Variants in LACTBL1 observed in about 807,000 individuals in gnomAD.
LACTBL1 encodes the protein beta-lactamase-like protein 1.
LACTBL1 carries 29 observed loss-of-function variants against 39.6 expected under a neutral mutation model. The observed-to-expected ratio is 0.73, with a 90% CI of 0.55 to 1.00. LACTBL1 has a LOEUF of 1.00. Among genes scored for constraint, LACTBL1 ranks in the 50% least tolerant of loss-of-function variants. The probability of loss-of-function intolerance (pLI) is 0.00; values close to 1 mark genes in which losing one functional copy is unlikely to be tolerated. For synonymous variants in LACTBL1, 361 were observed against 360.7 expected, an observed-to-expected ratio of 1.00 and a Z score of -0.01; for missense variants, 711 against 748.5, an observed-to-expected ratio of 0.95 and a Z score of 0.59.
At chr1:22,955,109 A>G (rs1341823192) in intron 5 of LACTBL1, among the ~76,000 whole-genome samples, 1 of 152,202 alleles carries the variant, frequency 6.6e-6, no homozygotes, top group African/African-American at 2.4e-5. Context: ...GTAAATGGAA[A>G]AAACATTCCA....
the LACTBL1 span, chr1:22,972,835 T>C: frequency 1.0e-6 from 1 of 983,596 alleles, no homozygotes; most frequent in East Asian, 1.1e-4. Context: ...ACAGTGCCTC[T>C]GGGAGTCCCC....
upstream of LACTBL1, among the ~76,000 whole-genome samples, chr1:22,967,560 A>G (rs1297890032): frequency 7.1e-6 from 1 of 141,036 alleles, no homozygotes; most frequent in Non-Finnish European, 1.5e-5. Context: ...CTCTCTCTCC[A>G]TATATATACA....
exon 6 of LACTBL1, chr1:22,953,983 A>C: frequency 6.5e-7 from 1 of 1,547,518 alleles, no homozygotes; most frequent in South Asian, 1.2e-5. Context: ...AGCTGCCAGG[A>C]CGTGGGCCAG....
chr1:22,958,811 T>G, exon 4 of LACTBL1: 1 of 1,550,640 alleles, frequency 6.4e-7, no homozygotes, highest in Non-Finnish European at 8.7e-7. Flanking sequence ...TTGTTAATGG[T>G]GAAGGTGCTG....
the LACTBL1 span, among the ~76,000 whole-genome samples, chr1:22,971,917 A>G: frequency 6.6e-6 from 1 of 152,142 alleles, no homozygotes; most frequent in African/African-American, 2.4e-5. Flanking sequence ...GGTGTAATAA[A>G]GGGCTTCAGG....
upstream of LACTBL1, among the ~76,000 whole-genome samples, chr1:22,966,864 A>G (rs992190671): frequency 2.0e-5 from 3 of 151,570 alleles, no homozygotes; most frequent in Non-Finnish European, 2.9e-5. Context: ...GGGCCCCTCT[A>G]TCTCCTTCAA....
chr1:22,972,183 ATGATG>A, the LACTBL1 span: 1 of 171,774 alleles, frequency 5.8e-6, no homozygotes, highest in African/African-American at 2.5e-5. Flanking sequence ...GATGATGATG[ATGATG>A]ATGAAGGTAA....
upstream of LACTBL1, among the ~76,000 whole-genome samples, chr1:22,967,108 C>T (rs1640887657): frequency 6.6e-6 from 1 of 152,144 alleles, no homozygotes; most frequent in African/African-American, 2.4e-5. Flanking sequence ...GTGGCTCACA[C>T]CTGTAATCCT....
chr1:22,972,724 TG>T, the LACTBL1 span, among the ~76,000 whole-genome samples: 1 of 152,216 alleles, frequency 6.6e-6, no homozygotes, highest in East Asian at 1.9e-4. Context: ...ACCCCCAGCC[TG>T]CAGAGAACAA....
At chr1:22,961,651 A>C (rs1414312478) in intron 2 of LACTBL1, among the ~76,000 whole-genome samples, 1 of 152,118 alleles carries the variant, frequency 6.6e-6, no homozygotes, top group Non-Finnish European at 1.5e-5. Flanking sequence ...GGCACGAGCC[A>C]CCGCACCTGG....
chr1:22,958,798 G>A (rs772067142), exon 4 of LACTBL1: 52 of 1,550,690 alleles, frequency 3.4e-5, no homozygotes, highest in African/African-American at 2.5e-4. Flanking sequence ...CAGGCCCAGC[G>A]GGTTGTTAAT....
intron 3 of LACTBL1, 147 bp from the exon 6 acceptor site, chr1:22,959,067 C>T (rs1640790536): frequency 3.3e-6 from 2 of 611,636 alleles, no homozygotes; most frequent in African/African-American, 1.9e-5. Flanking sequence ...ATTAACCAGC[C>T]TCTGTGGAGC....
chr1:22,960,239 G>T, intron 2 of LACTBL1, 140 bp from the exon 5 acceptor site: 1 of 951,906 alleles, frequency 1.1e-6, no homozygotes, highest in Non-Finnish European at 1.5e-6. Flanking sequence ...ATGGGCTGGG[G>T]CCCCCACTGT....
chr1:22,972,799 G>A, the LACTBL1 span: 3 of 888,426 alleles, frequency 3.4e-6, no homozygotes, highest in East Asian at 1.2e-4. Context: ...AGCAAGAACA[G>A]GGCAGTTAGG....
chr1:22,953,654 C>T, exon 6 of LACTBL1: 1 of 1,272,214 alleles, frequency 7.9e-7, no homozygotes, highest in Middle Eastern at 3.0e-4. Context: ...GTGCCCGTCT[C>T]GTTGGCGAAG....
chr1:22,964,791 T>C (rs1388854061), intron 1 of LACTBL1, among the ~76,000 whole-genome samples: 1 of 152,210 alleles, frequency 6.6e-6, no homozygotes, highest in African/African-American at 2.4e-5. Flanking sequence ...ACAAAGGGCC[T>C]GGTAGTTATC....
At chr1:22,964,542 A>G (rs1640858595) in intron 1 of LACTBL1, among the ~76,000 whole-genome samples, 1 of 152,204 alleles carries the variant, frequency 6.6e-6, no homozygotes, top group South Asian at 2.1e-4. Flanking sequence ...GAATCATGGG[A>G]AATAATCACT....
chr1:22,964,825 T>C (rs901770103), intron 1 of LACTBL1, among the ~76,000 whole-genome samples: 3 of 152,170 alleles, frequency 2.0e-5, no homozygotes, highest in African/African-American at 4.8e-5. Context: ...GCTCCTTTAT[T>C]GGGCCTTGAC....
At chr1:22,963,566 C>T (rs1021032082) in intron 1 of LACTBL1, among the ~76,000 whole-genome samples, 2 of 152,208 alleles carry the variant, frequency 1.3e-5, no homozygotes, top group Non-Finnish European at 2.9e-5. Flanking sequence ...CTGCTGTCGT[C>T]CTGATTATGT....
Sources: gnomAD v4.1 joint callset for allele counts (sites outside exome capture counted in the v4.1 genomes callset) on GRCh38, gnomAD v4.1.1 for gene constraint, MANE v1.5 for transcripts, NCBI Gene and HGNC (gene_info 2026-07-23, HGNC 2026-07-21) for gene names.